The following TXNDC15 variants were observed in gnomAD, a reference collection of about 807,000 sequenced individuals.
TXNDC15 encodes the protein thioredoxin domain containing 15.
A neutral mutation model predicts 35.0 loss-of-function variants in TXNDC15; 24 were observed. That is an observed-to-expected ratio of 0.68 (90% confidence interval 0.50 to 0.96). The LOEUF is 0.96. TXNDC15 is among the 40% of genes least tolerant of loss of function. TXNDC15 has a pLI of 0.00. For synonymous variants in TXNDC15, 169 were observed against 174.0 expected, an observed-to-expected ratio of 0.97 and a Z score of 0.23; for missense variants, 385 against 453.3, an observed-to-expected ratio of 0.85 and a Z score of 1.37.
chr5:134,893,354 G>A (rs966173049), intron 2 of TXNDC15, 138 bp from the exon 3 acceptor site: 7 of 951,420 alleles, frequency 7.4e-6, no homozygotes, highest in African/African-American at 1.6e-5. Context: ...AATCCAAAAG[G>A]TTCCGAGGGT....
Position 134,887,751 on chromosome 5 carries a change from G to C in TXNDC15, c.160G>C (p.Val54Leu). Reference protein sequence around the residue: ...SEEQPAHPLQVGAVYLGEEEL... With the variant: ...SEEQPAHPLQLGAVYLGEEEL... ...GGAGCAGCCTGCTCACCCTCTCCAG[G>C]TGGGGGCTGTGTACCTGGGTGAGGA... The change falls in exon 2 of 5, where the codon GTG becomes CTG. Residue 54 changes from valine to leucine, a missense_variant. Coordinates refer to ENST00000358387, the MANE Select transcript of TXNDC15 (RefSeq NM_024715.4). 6.2e-7 allele frequency: 1 copy of C among 1,612,894 alleles called. No individual in the cohort carries two copies. Among genetic ancestry groups the C allele is most frequent in the Non-Finnish European group, 8.5e-7 (1 of 1,178,990 alleles).
At position 134,883,039 on chromosome 5, in the gene TXNDC15, C is replaced by T. The variant is rs563433993; in HGVS notation, c.104-4656C>T. 1.2e-3 allele frequency among the ~76,000 whole-genome samples: 179 copies of T among 152,000 alleles called. 1 individual carries two copies. The highest frequency in any genetic ancestry group is 2.1e-3 in the South Asian group (10 of 4,806). On this transcript the variant is annotated intron_variant, in intron 1 of 4. Coordinates refer to ENST00000358387, the MANE Select transcript of TXNDC15 (RefSeq NM_024715.4). ...GCACGGTGGCTCATGCCTGTAATCC[C>T]AGAATTTGGGAGGCTGAGGCGGGCA...
At position 134,890,347 on chromosome 5, in the gene TXNDC15, TTTTTC is replaced by T. The variant is rs374295927; in HGVS notation, c.591+2187_591+2191del. On this transcript the variant is annotated intron_variant, in intron 2 of 4. Coordinates refer to ENST00000358387, the MANE Select transcript of TXNDC15 (RefSeq NM_024715.4). ...GCCTGGCCCACAGTTTCGTTTCGTT[TTTTTC>T]TTTTCTTTTCTTTTCTTTTCTCTTT... is the stretch of plus-strand genomic sequence containing the variant. Among the ~76,000 whole-genome samples the T allele has an allele frequency of 3.5e-3, 528 of 151,728 alleles. 2 individuals carry two copies. Among genetic ancestry groups the T allele is most frequent in the African/African-American group, 0.01 (414 of 41,396 alleles).
chr5:134,889,451 C>A (rs183654055), intron 2 of TXNDC15, among the ~76,000 whole-genome samples: 1 of 152,260 alleles, frequency 6.6e-6, no homozygotes, highest in Admixed American at 6.5e-5. Flanking sequence ...CTCAAATTCC[C>A]GACCTCAACT....
At chr5:134,893,270 T>C in intron 2 of TXNDC15, 1 of 493,502 alleles carries the variant, frequency 2.0e-6, no homozygotes, top group Non-Finnish European at 3.6e-6. Context: ...TCAGCAAGAC[T>C]TAAAAAAAGT....
chr5:134,884,004 AG>A (rs1750220916), intron 1 of TXNDC15, among the ~76,000 whole-genome samples: 2 of 150,270 alleles, frequency 1.3e-5, no homozygotes, highest in African/African-American at 4.9e-5. Flanking sequence ...GGATCACCCG[AG>A]GTCAGGAGTT....
Position 134,888,230 on chromosome 5 carries a change from T to G in TXNDC15, c.591+48T>G, listed in dbSNP as rs948421967. 3 of 1,493,772 alleles carry G rather than the reference T, an allele frequency of 2.0e-6. No homozygotes were observed. The Admixed American group carries it at 5.8e-5, about 29-fold the overall frequency. The allele number at this position is 1,493,772 out of a possible 1,614,324, so 92.5% of individuals were successfully genotyped here. A position where few individuals can be genotyped will look rare whatever the true frequency, so the allele number is the denominator to read the frequency against. The stretch of plus-strand genomic sequence containing the variant: ...TTTTCTCCTTTTCAGTACATTTATT[T>G]TATGATTAATACCCTATCAACTTTG... On this transcript the variant is annotated intron_variant, in intron 2 of 4. Transcript: ENST00000358387.
intron 4 of TXNDC15, among the ~76,000 whole-genome samples, chr5:134,897,270 C>T (rs115097570): frequency 0.015 from 2,222 of 151,444 alleles, 54 homozygotes; most frequent in African/African-American, 0.052. Flanking sequence ...TTGACTGAGA[C>T]GGAGTCTCGC....
intron 1 of TXNDC15, chr5:134,875,178 C>G (rs1250476152): frequency 2.2e-6 from 1 of 456,276 alleles, no homozygotes; most frequent in Admixed American, 2.3e-5. Flanking sequence ...CCGGTAACCC[C>G]CAACTTGCCG....
At chr5:134,895,896 T>C (rs552409455) in intron 3 of TXNDC15, 1 of 188,340 alleles carries the variant, frequency 5.3e-6, no homozygotes, top group African/African-American at 2.4e-5. Context: ...AATTGCCTAC[T>C]GTAAGTTGAT....
intron 1 of TXNDC15, among the ~76,000 whole-genome samples, chr5:134,878,244 C>G (rs1051859977): frequency 2.6e-5 from 4 of 152,194 alleles, no homozygotes; most frequent in East Asian, 1.9e-4. Context: ...AGTTATTGTG[C>G]CTTTCCATCT....
In TXNDC15 at chr5:134,893,662, T is replaced by C. The variant is rs770709724; in HGVS notation, c.755+7T>C. ...ATGCATCTCAGCACAGCAGGTATCT[T>C]CCATTGGTGGGGTTTACGTCCATCC... On this transcript the variant is annotated splice_region_variant and intron_variant, in intron 3 of 4. Coordinates refer to ENST00000358387, the MANE Select transcript of TXNDC15 (RefSeq NM_024715.4). The C allele has an allele frequency of 6.2e-7, 1 of 1,614,154 alleles. No homozygotes were observed. Among genetic ancestry groups the C allele is most frequent in the Non-Finnish European group, 8.5e-7 (1 of 1,180,016 alleles).
At chr5:134,885,810 C>G (rs1224624591) in intron 1 of TXNDC15, among the ~76,000 whole-genome samples, 1 of 152,190 alleles carries the variant, frequency 6.6e-6, no homozygotes, top group Non-Finnish European at 1.5e-5. Context: ...TCTGTTGCCT[C>G]ATAACTGATT....
upstream of TXNDC15, chr5:134,874,240 G>A (rs182748272): frequency 1.8e-6 from 1 of 565,364 alleles, no homozygotes; most frequent in East Asian, 3.3e-5. Flanking sequence ...GAGGTCTCCA[G>A]TCCAGCGCCG....
chr5:134,879,471 C>T (rs1276982930), intron 1 of TXNDC15, among the ~76,000 whole-genome samples: 1 of 152,194 alleles, frequency 6.6e-6, no homozygotes, highest in Non-Finnish European at 1.5e-5. Context: ...CCTTTCTTTT[C>T]CAGACTCTTA....
At chr5:134,899,024 C>G (rs1000727620) in intron 4 of TXNDC15, among the ~76,000 whole-genome samples, 1 of 151,926 alleles carries the variant, frequency 6.6e-6, no homozygotes, top group African/African-American at 2.4e-5. Flanking sequence ...TTGCAGTGAG[C>G]TGAGATCGCA....
At chr5:134,887,575 A>G (rs1216716193) in intron 1 of TXNDC15, 120 bp from the exon 2 acceptor site, 1 of 1,273,882 alleles carries the variant, frequency 7.9e-7, no homozygotes, top group Non-Finnish European at 1.1e-6. Context: ...TGATAGTTTA[A>G]TGAAAGGAGA....
chr5:134,880,519 C>G (rs1750120587), intron 1 of TXNDC15, among the ~76,000 whole-genome samples: 1 of 151,986 alleles, frequency 6.6e-6, no homozygotes, highest in Non-Finnish European at 1.5e-5. Flanking sequence ...TCACTGCAAC[C>G]TCCACCTCCT....
intron 1 of TXNDC15, 107 bp from the exon 2 acceptor site, chr5:134,887,587 CT>C (rs1750300202): frequency 3.6e-6 from 5 of 1,396,204 alleles, no homozygotes; most frequent in Admixed American, 4.9e-5. Context: ...GAAAGGAGAC[CT>C]TTTTGTCTCC....
Sources: allele counts gnomAD v4.1 joint callset (sites outside exome capture counted in the v4.1 genomes callset), GRCh38; gene constraint gnomAD v4.1.1; transcripts MANE v1.5; gene names NCBI Gene and HGNC (gene_info 2026-07-23, HGNC 2026-07-21).